The following SLC16A6 variants were observed in gnomAD, a reference collection of about 807,000 sequenced individuals.
SLC16A6 encodes monocarboxylate transporter 7.
SLC16A6 carries 15 observed loss-of-function variants against 33.8 expected under a neutral mutation model. The ratio of observed to expected loss-of-function variants is 0.44; its 90% CI spans 0.30 to 0.68. The LOEUF (loss-of-function observed/expected upper bound fraction) is 0.68. Among genes scored for constraint, SLC16A6 ranks in the 30% least tolerant of loss-of-function variants. The pLI, the probability that SLC16A6 is intolerant of heterozygous loss-of-function variation, is 0.10. For missense variants in SLC16A6, 451 were observed against 661.5 expected (o/e 0.68, Z 3.49); for synonymous variants, 219 against 248.4 (o/e 0.88, Z 1.11).
At chr17:68,278,864 C>T (rs922026270) in intron 1 of SLC16A6, among the ~76,000 whole-genome samples, 5 of 152,238 alleles carry the variant, frequency 3.3e-5, no homozygotes, top group African/African-American at 9.6e-5. Flanking sequence ...AAGGGATCCA[C>T]CCGCCTTGAC....
rs2075376228 is a variant in SLC16A6, at chr17:68,272,568, T to G, written c.505+71A>C. 7.0e-6 allele frequency: 11 copies of G among 1,567,274 alleles called. No individual in the cohort carries two copies. The Admixed American group carries it at 1.1e-4, about 15-fold the overall frequency. On this transcript the variant is annotated intron_variant, in intron 4 of 5. Coordinates refer to ENST00000580666, the MANE Select transcript of SLC16A6 (RefSeq NM_004694.5). ...AAGTCATCCATACTGTTGGCAAAAG[T>G]TAGCGTAGCAAGAATACCTGAGTGA...
chr17:68,271,073 G>T lies in SLC16A6; in HGVS notation c.1087C>A (p.Leu363Ile). The part of the protein sequence containing the change: ...REPIRKIYIE[L>I]ICVILLTVSL... ...ACAGTCAATAAGATGACGCAGATGA[G>T]CTCAATGTAAATCTTACGAATGGGC... The change falls in exon 5 of 6, where the codon CTC (leucine) becomes ATC (isoleucine). Residue 363 changes from leucine to isoleucine, a missense_variant. This residue lies in a region of SLC16A6 where 405 missense variants were observed against 510.7 expected (regional missense o/e 0.79). Coordinates refer to ENST00000580666, the MANE Select transcript of SLC16A6 (RefSeq NM_004694.5). This position sits in a 1 kb window ranked among gnomAD's most constrained non-coding sequence, Gnocchi z 5.3. The T allele has an allele frequency of 6.2e-7, 1 of 1,614,190 alleles. No homozygotes were observed. Among genetic ancestry groups the T allele is most frequent in the South Asian group, 1.1e-5 (1 of 91,086 alleles).
chr17:68,287,995 T>C (rs1238924121), intron 1 of SLC16A6, among the ~76,000 whole-genome samples: 2 of 150,176 alleles, frequency 1.3e-5, no homozygotes, highest in South Asian at 2.1e-4. Context: ...CCTTTCTTTT[T>C]TTTTTTTTTT....
chr17:68,279,017 C>G (rs1326719242), intron 1 of SLC16A6, among the ~76,000 whole-genome samples: 1 of 151,978 alleles, frequency 6.6e-6, no homozygotes, highest in Non-Finnish European at 1.5e-5. Flanking sequence ...GTACATGGGG[C>G]CTCCCAAAAA....
chr17:68,271,686 A>G lies in SLC16A6; in HGVS notation c.506-32T>C. 6.4e-7 allele frequency: 1 copy of G among 1,560,188 alleles called. No individual in the cohort carries two copies. Among genetic ancestry groups the G allele is most frequent in the South Asian group, 1.1e-5 (1 of 87,778 alleles). On this transcript the variant is annotated intron_variant, in intron 4 of 5. Transcript: ENST00000580666. The surrounding 1 kb of genome is among the most constrained non-coding windows in gnomAD (Gnocchi z 5.3). Reference sequence around the variant, plus strand: ...TAGGCAGGAGTGAAGAAGAAATAATATAAGGTCAATAATGGACTCAAGACC... The same window carrying G: ...TAGGCAGGAGTGAAGAAGAAATAATGTAAGGTCAATAATGGACTCAAGACC...
At chr17:68,272,820 G>A in intron 3 of SLC16A6, 53 bp from the exon 4 acceptor site, 1 of 1,599,346 alleles carries the variant, frequency 6.3e-7, no homozygotes, top group Non-Finnish European at 8.5e-7. Context: ...GCTTGAGACT[G>A]GAAGGATGCA....
intron 2 of SLC16A6, among the ~76,000 whole-genome samples, chr17:68,275,582 A>G (rs894943780): frequency 6.6e-6 from 1 of 152,190 alleles, no homozygotes; most frequent in African/African-American, 2.4e-5. Context: ...CCTAAAACTT[A>G]AGCTTTGGGA....
At chr17:68,283,385 G>T (rs992203458) in intron 1 of SLC16A6, among the ~76,000 whole-genome samples, 3 of 152,016 alleles carry the variant, frequency 2.0e-5, no homozygotes, top group Non-Finnish European at 4.4e-5. Context: ...GCCAGGCGTG[G>T]TGGCGGGCGC....
chr17:68,284,134 C>T (rs908330229), intron 1 of SLC16A6, among the ~76,000 whole-genome samples: 1 of 147,488 alleles, frequency 6.8e-6, no homozygotes. Flanking sequence ...AAGCTGGGCG[C>T]AGTGGCTCAT....
In SLC16A6 at chr17:68,278,216, T is replaced by A; in HGVS notation, c.105A>T (p.Glu35Asp). The change falls in exon 2 of 6, where the codon GAA becomes GAT. Residue 35 changes from glutamate to aspartate, a missense_variant. Glu to Asp is a conservative substitution (Grantham distance 45). Around this residue, in one of 2 missense-constraint regions of SLC16A6, gnomAD observed 405 missense variants for 510.7 expected, o/e 0.79. Coordinates refer to ENST00000580666, the MANE Select transcript of SLC16A6 (RefSeq NM_004694.5). ...TCTTGATGATGCCGTAGGTGAAGACTTCAACGAAGAAAAATGAAACAGCTA... is the reference window on the plus strand; with the variant it reads ...TCTTGATGATGCCGTAGGTGAAGACATCAACGAAGAAAAATGAAACAGCTA... Reference protein sequence around the residue: ...WAVAVSFFFVEVFTYGIIKTF... With the variant: ...WAVAVSFFFVDVFTYGIIKTF... 1 of 1,614,164 alleles carries A rather than the reference T, an allele frequency of 6.2e-7. No individual in the cohort carries two copies. Among genetic ancestry groups the A allele is most frequent in the Non-Finnish European group, 8.5e-7 (1 of 1,180,014 alleles).
At position 68,281,523 on chromosome 17, in the gene SLC16A6, C is replaced by T. The variant is rs568741126; in HGVS notation, c.-7-3196G>A. ...CTGGGAGGTGGAGGTTGCAGTGAGCCGAGATCGTGCCACTGTACTCCAGCC... is the reference window on the plus strand; with the variant it reads ...CTGGGAGGTGGAGGTTGCAGTGAGCTGAGATCGTGCCACTGTACTCCAGCC... On this transcript the variant is annotated intron_variant, in intron 1 of 5. Coordinates refer to ENST00000580666, the MANE Select transcript of SLC16A6 (RefSeq NM_004694.5). Among the ~76,000 whole-genome samples the T allele has an allele frequency of 9.2e-5, 14 of 152,050 alleles. No homozygotes were observed. The East Asian group carries it at 1.7e-3, about 19-fold the overall frequency.
chr17:68,274,112 T>C (rs2075433782), intron 2 of SLC16A6, 42 bp from the exon 3 acceptor site: 1 of 1,597,498 alleles, frequency 6.3e-7, no homozygotes, highest in Non-Finnish European at 8.6e-7. Context: ...TCACAGAGGC[T>C]TCAGGGTTAG....
chr17:68,269,504 T>C (rs2075262190), intron 5 of SLC16A6, among the ~76,000 whole-genome samples, 158 bp from the exon 6 acceptor site: 1 of 144,184 alleles, frequency 6.9e-6, no homozygotes, highest in African/African-American at 2.7e-5. Flanking sequence ...AAATCTTTAC[T>C]AGACTGGAGA....
At chr17:68,289,297 CAAAT>C (rs1331988425) in intron 1 of SLC16A6, among the ~76,000 whole-genome samples, 1 of 152,124 alleles carries the variant, frequency 6.6e-6, no homozygotes, top group African/African-American at 2.4e-5. Flanking sequence ...TGCCTCTAAA[CAAAT>C]AAATAAGTAG....
intron 1 of SLC16A6, among the ~76,000 whole-genome samples, chr17:68,278,832 C>A (rs1234509820): frequency 6.6e-6 from 1 of 151,984 alleles, no homozygotes; most frequent in Non-Finnish European, 1.5e-5. Context: ...GTTGGCCAGG[C>A]TGGGCTCAAA....
chr17:68,276,687 C>A (rs2075534247), intron 2 of SLC16A6, among the ~76,000 whole-genome samples: 1 of 152,138 alleles, frequency 6.6e-6, no homozygotes, highest in African/African-American at 2.4e-5. Context: ...CTCTAGGGCT[C>A]AAGCAATCCT....
chr17:68,279,039 G>A (rs2075614292), intron 1 of SLC16A6, among the ~76,000 whole-genome samples: 1 of 152,116 alleles, frequency 6.6e-6, no homozygotes, highest in African/African-American at 2.4e-5. Flanking sequence ...AAAGTTAAAT[G>A]GGAAAAACAG....
chr17:68,283,108 CAG>C (rs2075749819), intron 1 of SLC16A6: 2 of 151,888 alleles, frequency 1.3e-5, no homozygotes, highest in South Asian at 4.2e-4. Flanking sequence ...GCCTGAATGA[CAG>C]AGCAAGACCC....
At chr17:68,281,428 G>A (rs561988519) in intron 1 of SLC16A6, among the ~76,000 whole-genome samples, 3 of 151,862 alleles carry the variant, frequency 2.0e-5, no homozygotes, top group South Asian at 4.2e-4. Context: ...TTAGCTGGGC[G>A]TGGTGGCATG....
Sources: gnomAD v4.1 joint callset for allele counts (sites outside exome capture counted in the v4.1 genomes callset) on GRCh38, gnomAD v4.1.1 for gene constraint, gnomAD v4.1.1 regional missense constraint, Gnocchi (gnomAD v3.1) non-coding constraint, MANE v1.5 for transcripts, NCBI Gene and HGNC (gene_info 2026-07-23, HGNC 2026-07-21) for gene names.